Variants in DPP10 observed in about 807,000 individuals in gnomAD.
The protein encoded by DPP10 is inactive dipeptidyl peptidase 10.
Under a neutral mutation model 120.9 loss-of-function variants are expected in DPP10, and 33 were observed. The ratio of observed to expected loss-of-function variants is 0.27; its 90% CI spans 0.21 to 0.37. The LOEUF (loss-of-function observed/expected upper bound fraction) is 0.37, where lower values mean the gene tolerates loss of function less well. Ranked by LOEUF, DPP10 falls within the 10% of genes least tolerant of loss-of-function variation. DPP10 has a pLI of 1.00. For missense variants in DPP10, 816 were observed against 942.8 expected, an observed-to-expected ratio of 0.87 and a Z score of 1.76; for synonymous variants, 337 against 326.1, an observed-to-expected ratio of 1.03 and a Z score of -0.36.
At chr2:114,942,222 A>T (rs1001840884) in intron 1 of DPP10, among the ~76,000 whole-genome samples, 1 of 149,148 alleles carries the variant, frequency 6.7e-6, no homozygotes, top group Non-Finnish European at 1.5e-5. Context: ...GCAGGGAGCC[A>T]AGATGGTGCC....
chr2:115,840,449 C>G (rs770741177), intron 24 of DPP10, among the ~76,000 whole-genome samples: 1 of 150,832 alleles, frequency 6.6e-6, no homozygotes, highest in African/African-American at 2.4e-5. Flanking sequence ...CTCAGCCTCT[C>G]GAGTAGCTGG....
At chr2:114,860,348 CA>C (rs1368660783) in intron 1 of DPP10, among the ~76,000 whole-genome samples, 3 of 152,150 alleles carry the variant, frequency 2.0e-5, no homozygotes, top group African/African-American at 7.2e-5. Flanking sequence ...TTTTCATCTT[CA>C]CGAAGACTCC....
chr2:114,975,324 G>A (rs1025278116), intron 1 of DPP10, among the ~76,000 whole-genome samples: 2 of 152,250 alleles, frequency 1.3e-5, no homozygotes, highest in East Asian at 1.9e-4. Flanking sequence ...GATTACAGGC[G>A]TGAGCCACCG....
At chr2:115,541,497 CGA>C (rs143431952) in intron 5 of DPP10, among the ~76,000 whole-genome samples, 14 of 148,952 alleles carry the variant, frequency 9.4e-5, no homozygotes, top group Non-Finnish European at 1.2e-4. Flanking sequence ...TGTGTGTGTG[CGA>C]GAGAGAGAGA....
intron 4 of DPP10, among the ~76,000 whole-genome samples, chr2:115,506,888 A>T (rs956501459): frequency 6.6e-6 from 1 of 152,130 alleles, no homozygotes; most frequent in Non-Finnish European, 1.5e-5. Flanking sequence ...TGAAGTCATC[A>T]TATTTGTTTT....
At chr2:115,226,280 C>G (rs757370214) in intron 1 of DPP10, among the ~76,000 whole-genome samples, 2 of 152,028 alleles carry the variant, frequency 1.3e-5, no homozygotes, top group Non-Finnish European at 2.9e-5. Context: ...ACTTAATTAC[C>G]TATAGTTCTA....
intron 2 of DPP10, among the ~76,000 whole-genome samples, chr2:115,319,331 AAG>A (rs2061948990): frequency 1.3e-5 from 2 of 152,246 alleles, no homozygotes; most frequent in Admixed American, 1.3e-4. Flanking sequence ...CTGTATTTAT[AAG>A]AGATATTGAT....
intron 1 of DPP10, among the ~76,000 whole-genome samples, chr2:114,503,188 G>A (rs200329965): frequency 4.5e-4 from 68 of 152,222 alleles, no homozygotes; most frequent in African/African-American, 1.6e-3. Flanking sequence ...AGTGCTACTC[G>A]ACTTACCCAA....
At chr2:115,043,615 A>G (rs891000032) in intron 1 of DPP10, among the ~76,000 whole-genome samples, 6 of 152,174 alleles carry the variant, frequency 3.9e-5, no homozygotes, top group African/African-American at 1.4e-4. Flanking sequence ...TGCGTTCTAG[A>G]TTTTTTAATT....
intron 1 of DPP10, among the ~76,000 whole-genome samples, chr2:114,748,079 T>C (rs1407712564): frequency 4.6e-5 from 7 of 152,296 alleles, no homozygotes; most frequent in Admixed American, 4.6e-4. Context: ...GCACATTTTA[T>C]CTGTCATTTT....
At chr2:115,052,355 T>C (rs1270188057) in intron 1 of DPP10, among the ~76,000 whole-genome samples, 2 of 152,096 alleles carry the variant, frequency 1.3e-5, no homozygotes, top group Non-Finnish European at 2.9e-5. Context: ...AAACTTTTTA[T>C]ATATTGAAAT....
intron 1 of DPP10, among the ~76,000 whole-genome samples, chr2:115,054,190 A>G (rs1241963776): frequency 1.3e-5 from 2 of 152,162 alleles, no homozygotes; most frequent in Non-Finnish European, 2.9e-5. Context: ...TACTTTATGT[A>G]ATATGATTAT....
chr2:115,113,823 G>A (rs1334817164), intron 1 of DPP10, among the ~76,000 whole-genome samples: 1 of 152,120 alleles, frequency 6.6e-6, no homozygotes, highest in African/African-American at 2.4e-5. Flanking sequence ...TTAATATTAT[G>A]TTTTGGTTCT....
At chr2:114,533,122 AG>A (rs1420110577) in intron 1 of DPP10, among the ~76,000 whole-genome samples, 2 of 152,158 alleles carry the variant, frequency 1.3e-5, no homozygotes, top group African/African-American at 4.8e-5. Context: ...AGTTGGTATG[AG>A]GTGTATGTAT....
intron 5 of DPP10, among the ~76,000 whole-genome samples, chr2:115,537,766 A>G (rs1429713117): frequency 6.6e-6 from 1 of 151,940 alleles, no homozygotes; most frequent in Admixed American, 6.6e-5. Flanking sequence ...CAGGGTTTCT[A>G]GAAGGGCTTG....
intron 2 of DPP10, among the ~76,000 whole-genome samples, chr2:115,316,841 C>T (rs1275705107): frequency 6.6e-6 from 1 of 152,140 alleles, no homozygotes; most frequent in Non-Finnish European, 1.5e-5. Flanking sequence ...GGTTTGGTGG[C>T]TCATGCCTGT....
At chr2:115,740,818 A>G (rs936824236) in intron 9 of DPP10, among the ~76,000 whole-genome samples, 2 of 152,132 alleles carry the variant, frequency 1.3e-5, no homozygotes, top group Non-Finnish European at 2.9e-5. Context: ...GGCCCCCAGT[A>G]TATTAATCAT....
At chr2:114,911,460 C>A (rs1574470502) in intron 1 of DPP10, among the ~76,000 whole-genome samples, 1 of 152,172 alleles carries the variant, frequency 6.6e-6, no homozygotes, top group South Asian at 2.1e-4. Context: ...CATAGATGAA[C>A]AATAAACAGG....
chr2:115,257,264 A>G (rs896951188), intron 1 of DPP10, among the ~76,000 whole-genome samples: 1 of 152,158 alleles, frequency 6.6e-6, no homozygotes. Context: ...CCCACTCCTC[A>G]GTACAAATTT....
Sources: gnomAD v4.1 joint callset for allele counts (sites outside exome capture counted in the v4.1 genomes callset) on GRCh38, gnomAD v4.1.1 for gene constraint, MANE v1.5 for transcripts, NCBI Gene and HGNC (gene_info 2026-07-23, HGNC 2026-07-21) for gene names.